VTI1A: variants seen among roughly 807,000 people sequenced by gnomAD.
The protein encoded by VTI1A is vesicle transport through interaction with t-SNAREs homolog 1A.
In VTI1A, 22 loss-of-function variants were observed where a neutral mutation model predicts 34.9. That is an observed-to-expected ratio of 0.63 (90% CI 0.45 to 0.90). The LOEUF is 0.90. VTI1A is among the 40% of genes least tolerant of loss of function. VTI1A has a pLI of 0.00. For missense variants in VTI1A, 268 were observed against 275.6 expected (o/e 0.97, Z 0.20); for synonymous variants, 87 against 97.3 (o/e 0.89, Z 0.62).
chr10:112,607,979 T>C (rs112960682), intron 5 of VTI1A, among the ~76,000 whole-genome samples: 18 of 152,290 alleles, frequency 1.2e-4, no homozygotes, highest in African/African-American at 4.3e-4. Flanking sequence ...AACCTAACCT[T>C]GGAATTGACA....
At chr10:112,537,176 TTTTC>T (rs1850659815) in intron 4 of VTI1A, among the ~76,000 whole-genome samples, 2 of 151,744 alleles carry the variant, frequency 1.3e-5, no homozygotes, top group South Asian at 4.2e-4. Context: ...TGGTTGTGTT[TTTTC>T]TTTCTTTTTG....
At chr10:112,584,517 C>T (rs952042648) in intron 5 of VTI1A, among the ~76,000 whole-genome samples, 1 of 152,160 alleles carries the variant, frequency 6.6e-6, no homozygotes, top group South Asian at 2.1e-4. Context: ...GGGCATCGCT[C>T]GCCTGTCAGG....
intron 7 of VTI1A, among the ~76,000 whole-genome samples, chr10:112,811,736 AGAG>A (rs1853321881): frequency 6.9e-6 from 1 of 144,160 alleles, no homozygotes. Context: ...GCCTGGAAGT[AGAG>A]GAGAACTGGC....
chr10:112,698,335 G>A (rs1323818948), intron 7 of VTI1A, among the ~76,000 whole-genome samples: 1 of 152,148 alleles, frequency 6.6e-6, no homozygotes, highest in African/African-American at 2.4e-5. Flanking sequence ...TGTGTATTCA[G>A]TGTGGTTTGC....
At chr10:112,605,246 A>G (rs1845031732) in intron 5 of VTI1A, among the ~76,000 whole-genome samples, 1 of 152,154 alleles carries the variant, frequency 6.6e-6, no homozygotes, top group Admixed American at 6.5e-5. Context: ...CGATATGTGT[A>G]GTGTCCCCTT....
chr10:112,625,033 G>A (rs1366908540), intron 5 of VTI1A, among the ~76,000 whole-genome samples: 4 of 152,142 alleles, frequency 2.6e-5, no homozygotes, highest in Non-Finnish European at 5.9e-5. Context: ...AAAAGGTTGA[G>A]ACTGCAGTGA....
At chr10:112,703,127 A>T (rs950208924) in intron 7 of VTI1A, among the ~76,000 whole-genome samples, 10 of 152,102 alleles carry the variant, frequency 6.6e-5, no homozygotes, top group African/African-American at 2.4e-4. Context: ...TTCACCAATA[A>T]TGTCTACTAC....
chr10:112,640,342 G>A (rs1846520235), intron 5 of VTI1A, among the ~76,000 whole-genome samples: 1 of 152,120 alleles, frequency 6.6e-6, no homozygotes, highest in Non-Finnish European at 1.5e-5. Flanking sequence ...TAAAAAATAT[G>A]CAGAAACTAC....
intron 7 of VTI1A, among the ~76,000 whole-genome samples, chr10:112,773,747 G>T (rs1048466313): frequency 6.6e-6 from 1 of 152,186 alleles, no homozygotes; most frequent in Admixed American, 6.5e-5. Context: ...GAGATCTTTA[G>T]GTGTGATTTG....
chr10:112,672,716 AT>A (rs1564877417), intron 7 of VTI1A: 1 of 152,066 alleles, frequency 6.6e-6, no homozygotes, highest in African/African-American at 2.4e-5. Context: ...CTGTGTGTGT[AT>A]TTTTTCTATA....
chr10:112,841,415 G>A, the VTI1A span, among the ~76,000 whole-genome samples: 17 of 152,174 alleles, frequency 1.1e-4, no homozygotes, highest in Admixed American at 1.1e-3. Flanking sequence ...AGGAGGCAAA[G>A]CCCTGAGTCC....
intron 3 of VTI1A, among the ~76,000 whole-genome samples, chr10:112,523,679 TTC>T (rs1466848567): frequency 1.3e-5 from 2 of 152,090 alleles, no homozygotes; most frequent in Non-Finnish European, 2.9e-5. Context: ...TGCATAGAGC[TTC>T]TGTCTTCTCC....
rs539667632 is a variant in VTI1A, at chr10:112,582,621, G to A, written c.427+44291G>A. ...GACTTGTGGTCCAAGAATGACTTTG[G>A]TAGAGAGGAAACTCCAAAACGCTTA... On this transcript the variant is annotated intron_variant, in intron 5 of 7. Transcript: ENST00000393077. Among the ~76,000 whole-genome samples, 58 of 152,212 alleles carry A rather than the reference G, an allele frequency of 3.8e-4. No homozygotes were observed. In the Middle Eastern group the frequency reaches 0.017, roughly 45 times the overall value.
chr10:112,590,668 C>G (rs141002843), intron 5 of VTI1A, among the ~76,000 whole-genome samples: 6 of 151,638 alleles, frequency 4.0e-5, no homozygotes, highest in African/African-American at 1.5e-4. Flanking sequence ...GGTGACAGAG[C>G]GAGACCCTGT....
At chr10:112,728,186 C>T (rs200557682) in intron 7 of VTI1A, among the ~76,000 whole-genome samples, 1 of 101,644 alleles carries the variant, frequency 9.8e-6, no homozygotes, top group Non-Finnish European at 2.5e-5. Flanking sequence ...TTCTTTTCTT[C>T]CCCCCACCCC....
chr10:112,512,818 A>G (rs1260520227), intron 3 of VTI1A, among the ~76,000 whole-genome samples: 2 of 151,996 alleles, frequency 1.3e-5, no homozygotes, highest in African/African-American at 2.4e-5. Flanking sequence ...CTCCAGTGTA[A>G]GTTCTTGTGG....
intron 5 of VTI1A, among the ~76,000 whole-genome samples, chr10:112,659,488 A>G (rs1304411367): frequency 6.6e-6 from 1 of 152,136 alleles, no homozygotes; most frequent in African/African-American, 2.4e-5. Flanking sequence ...TCATTGACTG[A>G]TGTCTGAGGG....
At chr10:112,807,531 C>T (rs927542986) in intron 7 of VTI1A, among the ~76,000 whole-genome samples, 2 of 152,020 alleles carry the variant, frequency 1.3e-5, no homozygotes, top group African/African-American at 4.8e-5. Flanking sequence ...TTAGGGCCAC[C>T]CTAAATCTGG....
intron 7 of VTI1A, among the ~76,000 whole-genome samples, chr10:112,792,266 G>A (rs1852508692): frequency 6.6e-6 from 1 of 152,140 alleles, no homozygotes; most frequent in Admixed American, 6.6e-5. Context: ...CAGTGCAAGA[G>A]AATCCATCTC....
Sources: gnomAD v4.1 joint callset for allele counts (sites outside exome capture counted in the v4.1 genomes callset) on GRCh38, gnomAD v4.1.1 for gene constraint, MANE v1.5 for transcripts, NCBI Gene and HGNC (gene_info 2026-07-23, HGNC 2026-07-21) for gene names.